Variants in NTNG1 observed in about 807,000 individuals in gnomAD.
The protein encoded by NTNG1 is netrin G1.
NTNG1 carries 16 observed loss-of-function variants against 54.0 expected under a neutral mutation model. That is an observed-to-expected ratio of 0.30 (90% CI 0.20 to 0.45). NTNG1 has a LOEUF of 0.45. Among genes scored for constraint, NTNG1 ranks in the 20% least tolerant of loss-of-function variants. The pLI is 1.00. For synonymous variants in NTNG1, 255 were observed against 263.1 expected, an observed-to-expected ratio of 0.97 and a Z score of 0.30; for missense variants, 530 against 678.7, an observed-to-expected ratio of 0.78 and a Z score of 2.43.
chr1:107,213,446 C>T (rs759272666), intron 2 of NTNG1, among the ~76,000 whole-genome samples: 31 of 152,214 alleles, frequency 2.0e-4, no homozygotes, highest in Non-Finnish European at 3.5e-4. Flanking sequence ...GTGGAGCATG[C>T]GTGGAAGGCT....
chr1:107,347,194 T>C (rs1363463800), intron 3 of NTNG1, among the ~76,000 whole-genome samples: 1 of 152,150 alleles, frequency 6.6e-6, no homozygotes, highest in African/African-American at 2.4e-5. Flanking sequence ...TGAGCAATAG[T>C]TTCCACGTCA....
chr1:107,185,886 T>C (rs894110714), intron 2 of NTNG1, among the ~76,000 whole-genome samples: 1 of 152,014 alleles, frequency 6.6e-6, no homozygotes, highest in African/African-American at 2.4e-5. Context: ...TTAAAACTTG[T>C]ATACGTTTAA....
intron 2 of NTNG1, among the ~76,000 whole-genome samples, chr1:107,303,739 T>C (rs1306470592): frequency 6.6e-6 from 1 of 152,170 alleles, no homozygotes; most frequent in Non-Finnish European, 1.5e-5. Context: ...CAAGGTGTAA[T>C]GCAGTGGAAC....
At chr1:107,415,663 T>TC (rs1448097834) in intron 5 of NTNG1, among the ~76,000 whole-genome samples, 54 of 151,270 alleles carry the variant, frequency 3.6e-4, no homozygotes, top group African/African-American at 1.0e-3. Context: ...AGTTGATTTG[T>TC]GAAAAAAAAA....
chr1:107,246,594 T>G (rs1275158493), intron 2 of NTNG1, among the ~76,000 whole-genome samples: 2 of 152,074 alleles, frequency 1.3e-5, no homozygotes, highest in Non-Finnish European at 2.9e-5. Flanking sequence ...TACTCCTATT[T>G]CCTGTAATAT....
chr1:107,343,504 CTT>C, intron 3 of NTNG1, among the ~76,000 whole-genome samples: 1 of 146,762 alleles, frequency 6.8e-6, no homozygotes, highest in South Asian at 2.2e-4. Context: ...CTTGACCCTA[CTT>C]TTTTTTTTTT....
chr1:107,447,001 CA>C (rs1243612844), intron 7 of NTNG1, among the ~76,000 whole-genome samples: 3 of 152,050 alleles, frequency 2.0e-5, no homozygotes, highest in African/African-American at 7.2e-5. Flanking sequence ...TAAACAGAAA[CA>C]ATTGCTAAGA....
intron 1 of NTNG1, among the ~76,000 whole-genome samples, chr1:107,147,569 G>A (rs1391938280): frequency 6.6e-6 from 1 of 151,938 alleles, no homozygotes; most frequent in Non-Finnish European, 1.5e-5. Context: ...ACAGGCTTAT[G>A]CCAACAATGC....
intron 2 of NTNG1, among the ~76,000 whole-genome samples, chr1:107,226,811 C>T (rs574212578): frequency 6.6e-5 from 10 of 152,214 alleles, no homozygotes; most frequent in Non-Finnish European, 1.2e-4. Context: ...GTTCTGACTT[C>T]CTGAAATGAT....
At chr1:107,400,526 C>T (rs1037552671) in intron 4 of NTNG1, among the ~76,000 whole-genome samples, 10 of 152,096 alleles carry the variant, frequency 6.6e-5, no homozygotes, top group Non-Finnish European at 1.2e-4. Context: ...TCCAAAGTCC[C>T]ATAGCTAATG....
intron 2 of NTNG1, among the ~76,000 whole-genome samples, chr1:107,177,908 T>C (rs540747680): frequency 6.6e-6 from 1 of 152,326 alleles, no homozygotes; most frequent in South Asian, 2.1e-4. Context: ...TTGTACTTTC[T>C]GGAGCTAGGA....
chr1:107,302,484 T>C (rs1426647373), intron 2 of NTNG1, among the ~76,000 whole-genome samples: 1 of 152,082 alleles, frequency 6.6e-6, no homozygotes, highest in Non-Finnish European at 1.5e-5. Context: ...ATCATTGTTT[T>C]AGACAAAAGC....
In NTNG1 at chr1:107,234,758, A is replaced by T. The variant is rs1418636615; in HGVS notation, c.246+85919A>T. On this transcript the variant is annotated intron_variant, in intron 2 of 7. Transcript: ENST00000370068. ...CATGGAGAAAGCATTGATAGTCGGG[A>T]ATCTTTTATTAGATAAAAGCCAGTG... is the stretch of plus-strand genomic sequence containing the variant. Among the ~76,000 whole-genome samples the T allele has an allele frequency of 2.6e-5, 4 of 152,338 alleles. No homozygotes were observed. In the East Asian group the frequency reaches 7.7e-4, roughly 29 times the overall value.
At chr1:107,412,668 T>C (rs1051773704) in intron 5 of NTNG1, among the ~76,000 whole-genome samples, 1 of 152,146 alleles carries the variant, frequency 6.6e-6, no homozygotes, top group Non-Finnish European at 1.5e-5. Context: ...GGATTCCTTA[T>C]TGTGTTGTCA....
At chr1:107,353,340 G>T (rs960971336) in intron 3 of NTNG1, among the ~76,000 whole-genome samples, 1 of 152,084 alleles carries the variant, frequency 6.6e-6, no homozygotes, top group Non-Finnish European at 1.5e-5. Context: ...TATTTTGCCA[G>T]ATACCCTAAA....
At chr1:107,369,144 A>G (rs936753632) in intron 3 of NTNG1, among the ~76,000 whole-genome samples, 11 of 152,120 alleles carry the variant, frequency 7.2e-5, no homozygotes, top group African/African-American at 1.9e-4. Context: ...TTATTTATCT[A>G]TTCACCTATT....
In NTNG1 at chr1:107,400,434, C is replaced by G. The variant is rs981519495; in HGVS notation, c.1060+5108C>G. ...TTATGCTCTTTATTGGTTTAAATCC[C>G]CACAATATCCCCATGAGATATGTAC... On this transcript the variant is annotated intron_variant, in intron 4 of 7. Transcript: ENST00000370068. Among the ~76,000 whole-genome samples the G allele has an allele frequency of 4.6e-5, 7 of 151,994 alleles. No individual in the cohort carries two copies. In the South Asian group the frequency reaches 1.5e-3, roughly 32 times the overall value.
In NTNG1 at chr1:107,386,166, T is replaced by TATATA. The variant is rs869287441; in HGVS notation, c.888-8988_888-8987insATATA. ...ATATGTGTGTATATATATATATATA[T>TATATA]TTTTTTTTTTTTCTTCCTTTGAAAT... On this transcript the variant is annotated intron_variant, in intron 3 of 7. Coordinates refer to ENST00000370068, the MANE Select transcript of NTNG1 (RefSeq NM_001113226.3). Among the ~76,000 whole-genome samples, 38 of 42,214 alleles carry TATATA rather than the reference T, an allele frequency of 9.0e-4. 1 individual carries two copies. Among genetic ancestry groups the TATATA allele is most frequent in the Non-Finnish European group, 1.4e-3 (24 of 17,646 alleles). The allele number at this position is 42,214 out of a possible 152,430, so 27.7% of individuals were successfully genotyped here.
chr1:107,326,735 A>G (rs367685037), intron 3 of NTNG1, among the ~76,000 whole-genome samples: 1 of 152,064 alleles, frequency 6.6e-6, no homozygotes, highest in Non-Finnish European at 1.5e-5. Flanking sequence ...ACCTCCCCAT[A>G]TACCTTTATT....
Sources: gnomAD v4.1 joint callset for allele counts (sites outside exome capture counted in the v4.1 genomes callset) on GRCh38, gnomAD v4.1.1 for gene constraint, MANE v1.5 for transcripts, NCBI Gene and HGNC (gene_info 2026-07-23, HGNC 2026-07-21) for gene names.